The following RNF220 variants were observed in gnomAD, a reference collection of about 807,000 sequenced individuals.
The protein encoded by RNF220 is ring finger protein 220.
In RNF220, 7 loss-of-function variants were observed where a neutral mutation model predicts 67.1. The ratio of observed to expected loss-of-function variants is 0.10; its 90% CI spans 0.06 to 0.20. The LOEUF is 0.20. RNF220 is among the 10% of genes least tolerant of loss of function. The pLI, the probability that RNF220 is intolerant of heterozygous loss-of-function variation, is 1.00. For missense variants in RNF220, 565 were observed against 740.3 expected, an observed-to-expected ratio of 0.76 and a Z score of 2.75; for synonymous variants, 270 against 283.2, an observed-to-expected ratio of 0.95 and a Z score of 0.47.
rs950587 is a variant in RNF220, at chr1:44,465,166, A to G, written c.625+52444A>G. Among the ~76,000 whole-genome samples the G allele has an allele frequency of 4.1e-3, 618 of 152,232 alleles. 11 individuals carry two copies. In the South Asian group the frequency reaches 0.042, roughly 10 times the overall value. On this transcript the variant is annotated intron_variant, in intron 2 of 14. Coordinates refer to ENST00000361799, the MANE Select transcript of RNF220 (RefSeq NM_018150.4). ...CCCATACTGTTTCTACACTATCATA[A>G]TATATCTTTAGTCACAGCTGTGTTG...
intron 2 of RNF220, among the ~76,000 whole-genome samples, chr1:44,429,116 AT>A (rs895187464): frequency 1.5e-4 from 23 of 148,958 alleles, no homozygotes; most frequent in Admixed American, 5.4e-4. Flanking sequence ...CCACTTGTGG[AT>A]TTTTTTTTTC....
chr1:44,499,351 G>A (rs548752340), intron 2 of RNF220, among the ~76,000 whole-genome samples: 8 of 152,142 alleles, frequency 5.3e-5, no homozygotes, highest in African/African-American at 1.9e-4. Flanking sequence ...ACCCTCACTA[G>A]TCAGATTTTT....
intron 2 of RNF220, among the ~76,000 whole-genome samples, chr1:44,416,263 A>C (rs1648521860): frequency 6.6e-6 from 1 of 152,252 alleles, no homozygotes; most frequent in Non-Finnish European, 1.5e-5. Flanking sequence ...TCAGTCCCCA[A>C]GACTCATTGT....
chr1:44,602,468 G>A (rs1051690628), intron 2 of RNF220, among the ~76,000 whole-genome samples: 11 of 152,182 alleles, frequency 7.2e-5, no homozygotes, highest in Non-Finnish European at 1.0e-4. Flanking sequence ...TAGAGACTGC[G>A]GATGGAGAGG....
intron 2 of RNF220, among the ~76,000 whole-genome samples, chr1:44,468,349 C>T (rs1478193843): frequency 6.6e-6 from 1 of 152,044 alleles, no homozygotes; most frequent in African/African-American, 2.4e-5. Context: ...TCTTCCTGTA[C>T]TGATATGGAA....
At position 44,447,951 on chromosome 1, in the gene RNF220, T is replaced by G. The variant is rs1652271551; in HGVS notation, c.625+35229T>G. ...TGCGCGTCGCTTAGCTACGGGGAGA[T>G]GATGGTGGATGCAAACATCTGATTT... On this transcript the variant is annotated intron_variant, in intron 2 of 14. Coordinates refer to ENST00000361799, the MANE Select transcript of RNF220 (RefSeq NM_018150.4). Among the ~76,000 whole-genome samples, 3 of 152,176 alleles carry G rather than the reference T, an allele frequency of 2.0e-5. No individual in the cohort carries two copies. The South Asian group carries it at 6.2e-4, about 32-fold the overall frequency.
At chr1:44,631,816 G>C (rs1431770440) in intron 5 of RNF220, 1 of 762,800 alleles carries the variant, frequency 1.3e-6, no homozygotes, top group Non-Finnish European at 1.6e-6. Context: ...AGATTGGGTG[G>C]GTAGGCTTCA....
intron 2 of RNF220, among the ~76,000 whole-genome samples, chr1:44,482,927 T>TG: frequency 7.1e-6 from 1 of 140,712 alleles, no homozygotes; most frequent in African/African-American, 2.7e-5. Context: ...AGCCTTTTTT[T>TG]TTTTTTTTTT....
chr1:44,474,695 C>T (rs925788818), intron 2 of RNF220, among the ~76,000 whole-genome samples: 3 of 151,628 alleles, frequency 2.0e-5, no homozygotes, highest in Admixed American at 6.6e-5. Context: ...GGTGACAAGG[C>T]GAGACCCTGT....
At chr1:44,603,221 G>A (rs1667050560) in intron 2 of RNF220, among the ~76,000 whole-genome samples, 1 of 152,250 alleles carries the variant, frequency 6.6e-6, no homozygotes, top group Admixed American at 6.5e-5. Flanking sequence ...GCACGTTGAT[G>A]CAGTTATCAA....
chr1:44,617,140 G>GC (rs1377717785), intron 3 of RNF220, among the ~76,000 whole-genome samples: 1 of 151,956 alleles, frequency 6.6e-6, no homozygotes, highest in Admixed American at 6.5e-5. Flanking sequence ...CCCGGCACGC[G>GC]CCCCCCTCCA....
chr1:44,455,640 C>G (rs544259841), intron 2 of RNF220, among the ~76,000 whole-genome samples: 58 of 152,118 alleles, frequency 3.8e-4, no homozygotes, highest in Non-Finnish European at 7.6e-4. Context: ...GAACTGGAGA[C>G]AGTAAAAACA....
chr1:44,405,210 T>C (rs1470155540), upstream of RNF220: 6 of 341,862 alleles, frequency 1.8e-5, no homozygotes, highest in Non-Finnish European at 3.2e-5. Context: ...CGTGTGTGTG[T>C]GCGCGCGTGT....
intron 2 of RNF220, among the ~76,000 whole-genome samples, chr1:44,534,785 C>T (rs1388179272): frequency 6.6e-6 from 1 of 152,194 alleles, no homozygotes; most frequent in East Asian, 1.9e-4. Context: ...GTCTGTGATA[C>T]ATCAAAGCAC....
Position 44,528,134 on chromosome 1 carries a change from G to C in RNF220, c.626-86031G>C, listed in dbSNP as rs567488920. Among the ~76,000 whole-genome samples, 3 of 152,058 alleles carry C rather than the reference G, an allele frequency of 2.0e-5. No individual in the cohort carries two copies. The South Asian group carries it at 6.2e-4, about 32-fold the overall frequency. On this transcript the variant is annotated intron_variant, in intron 2 of 14. Coordinates refer to ENST00000361799, the MANE Select transcript of RNF220 (RefSeq NM_018150.4). Reference sequence around the variant, plus strand: ...TTGCAGTAAGTATAGCAGAACATTTGATGTCCGTAATATGTAAAGAGTGCT... The same window carrying C: ...TTGCAGTAAGTATAGCAGAACATTTCATGTCCGTAATATGTAAAGAGTGCT...
chr1:44,578,989 C>A (rs1216090840), intron 2 of RNF220, among the ~76,000 whole-genome samples: 2 of 151,760 alleles, frequency 1.3e-5, no homozygotes, highest in Non-Finnish European at 2.9e-5. Flanking sequence ...TACAGCGAAA[C>A]CCCAACTCTA....
intron 4 of RNF220, among the ~76,000 whole-genome samples, chr1:44,625,666 G>A (rs908574998): frequency 2.0e-5 from 3 of 152,156 alleles, no homozygotes; most frequent in African/African-American, 7.2e-5. Context: ...AATGTGCCAT[G>A]TGGTATTTAG....
intron 2 of RNF220, among the ~76,000 whole-genome samples, chr1:44,593,251 T>A (rs1666242862): frequency 6.6e-6 from 1 of 152,202 alleles, no homozygotes; most frequent in South Asian, 2.1e-4. Flanking sequence ...CCTATCACAG[T>A]CCTGATAAGG....
intron 2 of RNF220, among the ~76,000 whole-genome samples, chr1:44,414,019 A>C (rs1230218514): frequency 1.3e-5 from 2 of 152,216 alleles, no homozygotes; most frequent in Non-Finnish European, 2.9e-5. Flanking sequence ...AATATGTTGC[A>C]AGTGTGTCTT....
Sources: allele counts gnomAD v4.1 joint callset (sites outside exome capture counted in the v4.1 genomes callset), GRCh38; gene constraint gnomAD v4.1.1; transcripts MANE v1.5; gene names NCBI Gene and HGNC (gene_info 2026-07-23, HGNC 2026-07-21).